PTGER3: variants seen among roughly 807,000 people sequenced by gnomAD.
PTGER3 encodes the protein prostaglandin E receptor 3, also known as prostaglandin E2 receptor EP3 subtype.
Under a neutral mutation model 34.7 loss-of-function variants are expected in PTGER3, and 22 were observed. That is an observed-to-expected ratio of 0.63 (90% CI 0.45 to 0.91). The LOEUF is 0.91. Among genes scored for constraint, PTGER3 ranks in the 40% least tolerant of loss-of-function variants. The pLI is 0.00. For missense variants in PTGER3, 468 were observed against 519.4 expected, an observed-to-expected ratio of 0.90 and a Z score of 0.96; for synonymous variants, 241 against 230.1, an observed-to-expected ratio of 1.05 and a Z score of -0.43.
At chr1:70,939,602 T>C (rs1326279066) in intron 4 of PTGER3, among the ~76,000 whole-genome samples, 2 of 152,238 alleles carry the variant, frequency 1.3e-5, no homozygotes, top group African/African-American at 4.8e-5. Flanking sequence ...TTCCCAAACC[T>C]CAATTCTTGC....
At chr1:70,976,169 A>G (rs1653676956) in intron 2 of PTGER3, among the ~76,000 whole-genome samples, 1 of 152,054 alleles carries the variant, frequency 6.6e-6, no homozygotes, top group Non-Finnish European at 1.5e-5. Flanking sequence ...GTCAAGAGCC[A>G]AGAGTTCTGC....
intron 4 of PTGER3, among the ~76,000 whole-genome samples, chr1:70,854,468 T>C (rs1001685691): frequency 2.6e-5 from 4 of 152,134 alleles, no homozygotes; most frequent in Admixed American, 6.5e-5. Flanking sequence ...CCAAATCTCA[T>C]GTCAAAATGT....
At chr1:70,990,289 G>A (rs139491929) in intron 2 of PTGER3, among the ~76,000 whole-genome samples, 2,773 of 148,456 alleles carry the variant, frequency 0.019, 95 homozygotes, top group African/African-American at 0.065. Context: ...CCCGGGAGAC[G>A]GAGCTTGCAG....
At chr1:70,882,130 G>A (rs1483193104) in intron 4 of PTGER3, among the ~76,000 whole-genome samples, 1 of 152,246 alleles carries the variant, frequency 6.6e-6, no homozygotes, top group African/African-American at 2.4e-5. Flanking sequence ...CAGGAAAAAG[G>A]CAGGCTTTGC....
chr1:70,867,356 A>C (rs1296542472), intron 4 of PTGER3, among the ~76,000 whole-genome samples: 1 of 152,224 alleles, frequency 6.6e-6, no homozygotes, highest in African/African-American at 2.4e-5. Flanking sequence ...CCTCTTCCAT[A>C]GTTTAATATT....
chr1:70,972,715 A>G (rs1363255669), intron 3 of PTGER3, among the ~76,000 whole-genome samples: 2 of 152,094 alleles, frequency 1.3e-5, no homozygotes, highest in Admixed American at 6.6e-5. Context: ...AGAATTTGCA[A>G]ATGGTCTGAG....
chr1:71,035,526 T>C (rs1659743345), intron 1 of PTGER3, among the ~76,000 whole-genome samples: 1 of 152,230 alleles, frequency 6.6e-6, no homozygotes, highest in Admixed American at 6.5e-5. Context: ...CTTTTCTTTA[T>C]ATTAATGTCT....
At chr1:70,905,421 A>C (rs1243943115) in intron 4 of PTGER3, among the ~76,000 whole-genome samples, 1 of 152,028 alleles carries the variant, frequency 6.6e-6, no homozygotes, top group Non-Finnish European at 1.5e-5. Flanking sequence ...GACACTCAAC[A>C]CCAGCCCATG....
chr1:70,929,240 G>A (rs1310561497), intron 4 of PTGER3, among the ~76,000 whole-genome samples: 23 of 151,966 alleles, frequency 1.5e-4, no homozygotes, highest in Non-Finnish European at 7.4e-5. Context: ...CCTTCAAAAG[G>A]GTTTTCCCCA....
At chr1:70,922,494 G>T (rs1400790524) in intron 4 of PTGER3, among the ~76,000 whole-genome samples, 3 of 152,104 alleles carry the variant, frequency 2.0e-5, no homozygotes, top group Non-Finnish European at 4.4e-5. Context: ...GCTAGGTAAG[G>T]CCTGGGACAT....
intron 2 of PTGER3, among the ~76,000 whole-genome samples, chr1:70,975,296 C>A: frequency 6.6e-6 from 1 of 152,088 alleles, no homozygotes; most frequent in Admixed American, 6.6e-5. Flanking sequence ...TGAGGCCCAT[C>A]CCTCAACAGT....
intron 2 of PTGER3, among the ~76,000 whole-genome samples, chr1:70,957,047 G>A (rs1238537935): frequency 6.6e-6 from 1 of 152,148 alleles, no homozygotes; most frequent in African/African-American, 2.4e-5. Flanking sequence ...GTGAAGATTT[G>A]TCTGTGTACA....
chr1:70,986,174 A>T (rs1431427884), intron 2 of PTGER3, among the ~76,000 whole-genome samples: 1 of 152,062 alleles, frequency 6.6e-6, no homozygotes, highest in African/African-American at 2.4e-5. Context: ...TGGTCTAAAA[A>T]GGGGAGGCAT....
intron 4 of PTGER3, among the ~76,000 whole-genome samples, chr1:70,867,960 T>A (rs1448819272): frequency 1.3e-5 from 2 of 152,180 alleles, no homozygotes; most frequent in Non-Finnish European, 2.9e-5. Context: ...CAATAGACAT[T>A]ACTAAATACC....
chr1:70,923,101 T>C (rs1647706442), intron 4 of PTGER3, among the ~76,000 whole-genome samples: 1 of 152,138 alleles, frequency 6.6e-6, no homozygotes. Context: ...ATTGAATATA[T>C]TTGTCTATTG....
intron 3 of PTGER3, among the ~76,000 whole-genome samples, chr1:70,973,639 T>C (rs1163192244): frequency 6.6e-6 from 1 of 152,186 alleles, no homozygotes; most frequent in Admixed American, 6.5e-5. Flanking sequence ...ACTCATTTGA[T>C]AAGTCAACTG....
At chr1:70,970,695 A>G, downstream of PTGER3, 1 of 277,910 alleles carries the variant, frequency 3.6e-6, no homozygotes, top group Non-Finnish European at 5.5e-6. Flanking sequence ...AGGAAGAGAA[A>G]AAAAAGGACA....
At chr1:70,920,155 G>T (rs1647389623) in intron 4 of PTGER3, among the ~76,000 whole-genome samples, 1 of 152,158 alleles carries the variant, frequency 6.6e-6, no homozygotes, top group African/African-American at 2.4e-5. Flanking sequence ...AGAAGAATAT[G>T]GGTGACAAGG....
In PTGER3 at chr1:71,006,141, T is replaced by C. The variant is rs916363351; in HGVS notation, c.1077+6164A>G. On this transcript the variant is annotated intron_variant, in intron 2 of 3. Coordinates refer to ENST00000306666, the MANE Select transcript of PTGER3 (RefSeq NM_198719.2). ...CTCTCTTATCTAGCTATGATTTTTG[T>C]ATACTTTAACAAAACTCTGCCTATC... 13 of 975,724 alleles carry C rather than the reference T, an allele frequency of 1.3e-5. No individual in the cohort carries two copies. In the African/African-American group the frequency reaches 2.1e-4, roughly 16 times the overall value. The allele number at this position is 975,724 out of a possible 1,614,324, so 60.4% of individuals were successfully genotyped here.
Sources: allele counts gnomAD v4.1 joint callset (sites outside exome capture counted in the v4.1 genomes callset), GRCh38; gene constraint gnomAD v4.1.1; transcripts MANE v1.5; gene names NCBI Gene and HGNC (gene_info 2026-07-23, HGNC 2026-07-21).